GNAQ: variants seen among roughly 807,000 people sequenced by gnomAD.
The protein encoded by GNAQ is G protein subunit alpha q.
In GNAQ, 8 loss-of-function variants were observed where a neutral mutation model predicts 43.9. That is an observed-to-expected ratio of 0.18 (90% CI 0.11 to 0.33). The LOEUF (loss-of-function observed/expected upper bound fraction) is 0.33. Ranked by LOEUF, GNAQ falls within the 10% of genes least tolerant of loss-of-function variation. The pLI is 1.00. For missense variants in GNAQ, 158 were observed against 450.8 expected (o/e 0.35, Z 5.88); for synonymous variants, 155 against 170.7 (o/e 0.91, Z 0.71).
chr9:77,761,526 C>G (rs551115237), intron 5 of GNAQ, among the ~76,000 whole-genome samples: 1 of 144,058 alleles, frequency 6.9e-6, no homozygotes, highest in Non-Finnish European at 1.5e-5. Context: ...CCCGGCCAGC[C>G]GCCCCGTCCG....
intron 1 of GNAQ, among the ~76,000 whole-genome samples, chr9:78,007,865 G>A (rs1823725818): frequency 6.6e-6 from 1 of 152,164 alleles, no homozygotes; most frequent in South Asian, 2.1e-4. Context: ...TATAAATCTT[G>A]TTAACCTTAA....
intron 2 of GNAQ, among the ~76,000 whole-genome samples, chr9:77,892,533 C>G (rs1172116872): frequency 6.6e-6 from 1 of 152,160 alleles, no homozygotes; most frequent in Non-Finnish European, 1.5e-5. Context: ...TTCTATCTTA[C>G]AAGAGTGAAT....
intron 2 of GNAQ, among the ~76,000 whole-genome samples, chr9:77,858,685 G>C (rs1399779900): frequency 6.6e-6 from 1 of 151,532 alleles, no homozygotes; most frequent in East Asian, 1.9e-4. Context: ...TCCTTTCTCT[G>C]CTTGGCTCTT....
At chr9:77,767,770 C>T (rs1184530865) in intron 5 of GNAQ, among the ~76,000 whole-genome samples, 1 of 152,150 alleles carries the variant, frequency 6.6e-6, no homozygotes, top group Non-Finnish European at 1.5e-5. Flanking sequence ...CATCCTCCCC[C>T]ACCTTTATGT....
At chr9:77,885,012 A>C (rs1564140755) in intron 2 of GNAQ, among the ~76,000 whole-genome samples, 1 of 152,172 alleles carries the variant, frequency 6.6e-6, no homozygotes. Flanking sequence ...GTTTCTAAAG[A>C]CTAAATAAGA....
intron 1 of GNAQ, among the ~76,000 whole-genome samples, chr9:78,000,057 G>A (rs192430909): frequency 2.6e-5 from 4 of 152,200 alleles, no homozygotes; most frequent in Non-Finnish European, 4.4e-5. Flanking sequence ...TTACTTGTAC[G>A]AGACACTTAT....
chr9:77,799,493 G>C (rs1409970103), intron 3 of GNAQ, among the ~76,000 whole-genome samples: 2 of 152,130 alleles, frequency 1.3e-5, no homozygotes, highest in Non-Finnish European at 2.9e-5. Context: ...GTGTTGGATG[G>C]ATTGATGGAT....
chr9:77,822,084 A>G (rs1480737506), intron 2 of GNAQ, among the ~76,000 whole-genome samples: 3 of 152,232 alleles, frequency 2.0e-5, no homozygotes, highest in African/African-American at 4.8e-5. Flanking sequence ...TGCAGAACAC[A>G]GAAGTTATAA....
intron 3 of GNAQ, among the ~76,000 whole-genome samples, chr9:77,805,240 A>G (rs934760981): frequency 2.0e-5 from 3 of 152,124 alleles, no homozygotes; most frequent in African/African-American, 7.2e-5. Flanking sequence ...TAGGATGGTT[A>G]GTGGCACAAG....
chr9:77,951,299 T>C (rs1007146160), intron 1 of GNAQ, among the ~76,000 whole-genome samples: 1 of 152,050 alleles, frequency 6.6e-6, no homozygotes, highest in Non-Finnish European at 1.5e-5. Context: ...GGTTTCTCCA[T>C]GTTGGCCAGG....
intron 5 of GNAQ, among the ~76,000 whole-genome samples, chr9:77,746,663 G>T (rs1392711735): frequency 6.6e-6 from 1 of 152,132 alleles, no homozygotes; most frequent in Admixed American, 6.5e-5. Context: ...TATTTACATT[G>T]TTAAATAGTG....
chr9:77,837,191 A>T (rs1008333640), intron 2 of GNAQ, among the ~76,000 whole-genome samples: 9 of 152,098 alleles, frequency 5.9e-5, no homozygotes, highest in Non-Finnish European at 1.3e-4. Flanking sequence ...CTCTCTATTC[A>T]TCTAGAATGA....
At chr9:77,760,892 G>A (rs1474706732) in intron 5 of GNAQ, among the ~76,000 whole-genome samples, 4 of 147,538 alleles carry the variant, frequency 2.7e-5, no homozygotes, top group East Asian at 2.1e-4. Flanking sequence ...GCCTCTGCCC[G>A]GTCGCGACCC....
chr9:77,728,436 G>T, intron 6 of GNAQ, 78 bp downstream of exon 6: 1 of 964,122 alleles, frequency 1.0e-6, no homozygotes, highest in Non-Finnish European at 1.7e-6. Context: ...GTGCACTGTA[G>T]TGCGTTAACT....
chr9:77,957,248 C>A (rs1468401643), intron 1 of GNAQ, among the ~76,000 whole-genome samples: 2 of 151,844 alleles, frequency 1.3e-5, no homozygotes, highest in African/African-American at 4.8e-5. Flanking sequence ...CCCAGCTACT[C>A]AGGAGGCTGA....
At chr9:77,816,721 C>G (rs1827023554) in intron 2 of GNAQ, among the ~76,000 whole-genome samples, 1 of 152,094 alleles carries the variant, frequency 6.6e-6, no homozygotes, top group South Asian at 2.1e-4. Context: ...TGAAACAATC[C>G]TGATTTTGTA....
rs141792486 is a variant in GNAQ at position 77,764,843 on chromosome 9, A to G, written c.735+29620T>C. Among the ~76,000 whole-genome samples, 217 of 152,344 alleles carry G rather than the reference A, an allele frequency of 1.4e-3. 2 individuals carry two copies. The highest frequency in any genetic ancestry group is 3.9e-3 in the African/African-American group (162 of 41,584). On this transcript the variant is annotated intron_variant, in intron 5 of 6. Coordinates refer to ENST00000286548, the MANE Select transcript of GNAQ (RefSeq NM_002072.5). Reference sequence around the variant, plus strand: ...ACCCCTGCATCAAATCCTGGCTTCAACAAGAACCAGTGTGTGATCTTGGGG... The same window carrying G: ...ACCCCTGCATCAAATCCTGGCTTCAGCAAGAACCAGTGTGTGATCTTGGGG...
intron 2 of GNAQ, among the ~76,000 whole-genome samples, chr9:77,855,007 T>C (rs770949349): frequency 6.6e-6 from 1 of 152,172 alleles, no homozygotes; most frequent in Non-Finnish European, 1.5e-5. Flanking sequence ...TGCAGATATT[T>C]TACTGGTTAC....
intron 1 of GNAQ, among the ~76,000 whole-genome samples, chr9:78,030,814 C>G (rs1330457961): frequency 6.6e-6 from 1 of 152,102 alleles, no homozygotes; most frequent in African/African-American, 2.4e-5. Flanking sequence ...GTACAGCCCT[C>G]AGGGACACGA....
Sources: allele counts gnomAD v4.1 joint callset (sites outside exome capture counted in the v4.1 genomes callset), GRCh38; gene constraint gnomAD v4.1.1; transcripts MANE v1.5; gene names NCBI Gene and HGNC (gene_info 2026-07-23, HGNC 2026-07-21).